Variants in SAMD11 observed in about 807,000 individuals in gnomAD.
SAMD11 encodes the protein sterile alpha motif domain containing 11, also known as sterile alpha motif domain-containing protein 11.
SAMD11 carries 77 observed loss-of-function variants against 64.4 expected under a neutral mutation model. The observed-to-expected ratio is 1.20, with a 90% CI of 0.99 to 1.44. The LOEUF (loss-of-function observed/expected upper bound fraction) is 1.44, where lower values mean the gene tolerates loss of function less well. Ranked by LOEUF, SAMD11 falls within the 40% of genes most tolerant of loss-of-function variation. The pLI is 0.00. For synonymous variants in SAMD11, 658 were observed against 421.9 expected, an observed-to-expected ratio of 1.56 and a Z score of -6.86; for missense variants, 1,402 against 943.3, an observed-to-expected ratio of 1.49 and a Z score of -6.37.
chr1:928,751 G>A lies in SAMD11; in HGVS notation c.610-1404G>A, dbSNP rs1014039427. The stretch of plus-strand genomic sequence containing the variant: ...GGGACCCAGCGCAGGCCCAGTGGCC[G>A]GTGAGGGGAGACGTGGCTCTGGGAC... On this transcript the variant is annotated intron_variant, in intron 2 of 13. Coordinates refer to ENST00000616016, the MANE Select transcript of SAMD11 (RefSeq NM_001385641.1). Among the ~76,000 whole-genome samples the A allele has an allele frequency of 3.9e-5, 6 of 152,390 alleles. No individual in the cohort carries two copies. The South Asian group carries it at 6.2e-4, about 16-fold the overall frequency.
chr1:927,263 C>G (rs1159123214), intron 2 of SAMD11, among the ~76,000 whole-genome samples: 1 of 152,220 alleles, frequency 6.6e-6, no homozygotes, highest in Non-Finnish European at 1.5e-5. Context: ...GCAGCTGGTG[C>G]TGGAGAGGGC....
rs1557610022 is a variant in SAMD11, at chr1:942,450, C to G, written c.1515C>G (p.Ala505=). ...CCCCCGCGCAGGCGGAGATGTTCGC[C>G]TGGCAGCAGGAGCTCCTGCGGAAGC... ...FLPPAQAEMF[A]WQQELLRKQN... is the part of the protein sequence containing the mutation. Residue 505 remains alanine (A), a synonymous_variant, in exon 10 of 14, where the codon GCC becomes GCG. Coordinates refer to ENST00000616016, the MANE Select transcript of SAMD11 (RefSeq NM_001385641.1). 12 of 1,488,876 alleles carry G rather than the reference C, an allele frequency of 8.1e-6. No individual in the cohort carries two copies. The highest frequency in any genetic ancestry group is 1.1e-5 in the Non-Finnish European group (12 of 1,125,794). The allele number at this position is 1,488,876 out of a possible 1,614,324, so 92.2% of individuals were successfully genotyped here. A position where few individuals can be genotyped will look rare whatever the true frequency, so the allele number is the denominator to read the frequency against.
intron 7 of SAMD11, 81 bp from the exon 8 acceptor site, chr1:941,063 T>C: frequency 1.5e-6 from 2 of 1,325,870 alleles, no homozygotes; most frequent in African/African-American, 2.9e-5. Flanking sequence ...GTTCCCCACC[T>C]CAGTGTTCTA....
chr1:935,446 C>T lies in SAMD11; in HGVS notation c.843-326C>T, dbSNP rs546830423. Among the ~76,000 whole-genome samples, 4 of 147,640 alleles carry T rather than the reference C, an allele frequency of 2.7e-5. No homozygotes were observed. The South Asian group carries it at 8.3e-4, about 31-fold the overall frequency. On this transcript the variant is annotated intron_variant, in intron 4 of 13. Coordinates refer to ENST00000616016, the MANE Select transcript of SAMD11 (RefSeq NM_001385641.1). ...CCGGGCGCCCGGTGGGCCCCTCGAC[C>T]CCCTTTGAGGCAGGGAGTGAGATAA...
At chr1:925,863 C>A in intron 1 of SAMD11, 59 bp from the exon 2 acceptor site, 1 of 1,297,886 alleles carries the variant, frequency 7.7e-7, no homozygotes, top group Non-Finnish European at 1.1e-6. Context: ...GGCCCTGCCG[C>A]TGACTGCGCG....
intron 4 of SAMD11, 132 bp downstream of exon 4, chr1:931,221 T>A: frequency 3.4e-6 from 3 of 874,334 alleles, no homozygotes; most frequent in Non-Finnish European, 5.4e-6. Flanking sequence ...GCTGAGTGTC[T>A]GCCAGGTTTG....
rs1046618751 is a variant in SAMD11, at chr1:943,889, C to G, written c.2290-19C>G. 3 of 1,612,982 alleles carry G rather than the reference C, an allele frequency of 1.9e-6. No individual in the cohort carries two copies. Among genetic ancestry groups the G allele is most frequent in the Admixed American group, 3.3e-5 (2 of 60,028 alleles). The stretch of plus-strand genomic sequence containing the variant: ...CTGGGTGGGTGTGCGACAGCCCCCA[C>G]CAGGCCATCTCTCTGCAGGTGGCCA... On this transcript the variant is annotated intron_variant, in intron 13 of 13. Transcript: ENST00000616016.
In SAMD11 at chr1:942,821, C is replaced by T. The variant is rs1040407582; in HGVS notation, c.1816C>T (p.Arg606Trp). ...RKGGPGPASA[R>W]PSESKEMTGA... The stretch of plus-strand genomic sequence containing the variant: ...GGGGGGTCCCGGCCCTGCCTCAGCG[C>T]GGCCCAGCGAGTCCAAGGAGATGAC... Residue 606 changes from arginine (R) to tryptophan (W), a missense_variant, in exon 11 of 14, where the codon CGG becomes TGG. Physicochemically the swap from Arg to Trp is moderately radical, Grantham distance 101. Coordinates refer to ENST00000616016, the MANE Select transcript of SAMD11 (RefSeq NM_001385641.1). 11 of 1,548,470 alleles carry T rather than the reference C, an allele frequency of 7.1e-6. No homozygotes were observed. Among genetic ancestry groups the T allele is most frequent in the Admixed American group, 5.9e-5 (3 of 50,976 alleles).
Position 944,040 on chromosome 1 carries a change from A to G in SAMD11, c.2422A>G (p.Thr808Ala). Residue 808 changes from threonine to alanine, a missense_variant, in exon 14 of 14, where the codon ACG becomes GCG. Coordinates refer to ENST00000616016, the MANE Select transcript of SAMD11 (RefSeq NM_001385641.1). The part of the protein sequence containing the change: ...GEQPLSPTTA[T>A]SPYGGGHALA... ...GCAGCCCTTGTCCCCCACGACGGCC[A>G]CGTCCCCCTATGGAGGGGGCCACGC... The G allele has an allele frequency of 6.2e-7, 1 of 1,612,800 alleles. No homozygotes were observed. Among genetic ancestry groups the G allele is most frequent in the Non-Finnish European group, 8.5e-7 (1 of 1,179,946 alleles).
chr1:935,035 C>T (rs1641356446), intron 4 of SAMD11, among the ~76,000 whole-genome samples: 1 of 152,078 alleles, frequency 6.6e-6, no homozygotes, highest in African/African-American at 2.4e-5. Context: ...TGGGGAGAGG[C>T]TCACGGAACC....
chr1:935,135 G>C (rs998876791), intron 4 of SAMD11, among the ~76,000 whole-genome samples: 3 of 152,148 alleles, frequency 2.0e-5, no homozygotes, highest in Non-Finnish European at 2.9e-5. Context: ...TTAGCAAGAA[G>C]AGGAGAAATG....
At position 943,007 on chromosome 1, in the gene SAMD11, T is replaced by C; in HGVS notation, c.2002T>C (p.Ser668Pro). ...CGAGGGGAAGGGGCTTTTCCCAGGGTCCACACTGCCCCTGGGCTTCCCTTA... is the reference window on the plus strand; with the variant it reads ...CGAGGGGAAGGGGCTTTTCCCAGGGCCCACACTGCCCCTGGGCTTCCCTTA... ...GAEGKGLFPG[S>P]TLPLGFPYAV... Residue 668 changes from serine to proline, a missense_variant, in exon 11 of 14, where the codon TCC (serine) becomes CCC (proline). Coordinates refer to ENST00000616016, the MANE Select transcript of SAMD11 (RefSeq NM_001385641.1). 2 of 1,539,288 alleles carry C rather than the reference T, an allele frequency of 1.3e-6. No homozygotes were observed. Among genetic ancestry groups the C allele is most frequent in the East Asian group, 2.3e-5 (1 of 42,692 alleles).
rs554462154 is a variant in SAMD11 at position 943,280 on chromosome 1, G to A, written c.2081G>A (p.Gly694Glu). Residue 694 changes from glycine to glutamate, a missense_variant, in exon 12 of 14, where the codon GGG becomes GAG. By Grantham distance (98) the Gly-to-Glu change is moderately conservative. Coordinates refer to ENST00000616016, the MANE Select transcript of SAMD11 (RefSeq NM_001385641.1). Reference protein sequence around the residue: ...TGAVGGLSMDGEEAPAPEDVT... With the variant: ...TGAVGGLSMDEEEAPAPEDVT... ...GCGGTAGGGGGACTCTCCATGGATG[G>A]GGAGGAGGCCCCAGCCCCTGAGGAC... The A allele has an allele frequency of 6.2e-6, 10 of 1,612,780 alleles. No individual in the cohort carries two copies. The highest frequency in any genetic ancestry group is 3.3e-5 in the Admixed American group (2 of 59,984).
In SAMD11 at chr1:931,049, C is replaced by T. The variant is rs144317111; in HGVS notation, c.802C>T (p.His268Tyr). 2.5e-4 allele frequency: 405 copies of T among 1,612,886 alleles called. No homozygotes were observed. Among genetic ancestry groups the T allele is most frequent in the Non-Finnish European group, 3.0e-4 (358 of 1,179,706 alleles). Residue 268 changes from histidine to tyrosine, a missense_variant, in exon 4 of 14, where the codon CAC becomes TAC. Transcript: ENST00000616016. ...CTTCCCTTCCTGCAGAGTCCACACC[C>T]ACTGGGACGTGAACATCTCTTTCCG... ...IRIMKRRVHTHWDVNISFREA... is the reference protein window; with the variant it reads ...IRIMKRRVHTYWDVNISFREA...
At chr1:932,394 C>T (rs549374825) in intron 4 of SAMD11, among the ~76,000 whole-genome samples, 40 of 152,206 alleles carry the variant, frequency 2.6e-4, no homozygotes, top group Non-Finnish European at 5.0e-4. Context: ...GAGGCCAGGT[C>T]TTCCATCCTG....
chr1:927,417 C>A lies in SAMD11; in HGVS notation c.609+1404C>A, dbSNP rs553395589. On this transcript the variant is annotated intron_variant, in intron 2 of 13. Coordinates refer to ENST00000616016, the MANE Select transcript of SAMD11 (RefSeq NM_001385641.1). ...AGTGCTTCCGTGAGCATCTCCTCCC[C>A]ACCCCGTGGCCACAGCCAGGAGATG... Among the ~76,000 whole-genome samples, 203 of 152,220 alleles carry A rather than the reference C, an allele frequency of 1.3e-3. 1 individual carries two copies. The highest frequency in any genetic ancestry group is 4.5e-3 in the African/African-American group (188 of 41,476).
intron 1 of SAMD11, among the ~76,000 whole-genome samples, chr1:925,537 G>A (rs1042683263): frequency 6.6e-6 from 1 of 152,138 alleles, no homozygotes; most frequent in African/African-American, 2.4e-5. Flanking sequence ...GCGTGGTTCC[G>A]CGGTGGCCGC....
chr1:936,735 C>T lies in SAMD11; in HGVS notation c.967+839C>T, dbSNP rs117001843. Among the ~76,000 whole-genome samples, 175 of 152,300 alleles carry T rather than the reference C, an allele frequency of 1.1e-3. 2 individuals carry two copies. In the East Asian group the frequency reaches 0.022, roughly 19 times the overall value. ...GTGTCCCCCATCCATGGCCCCCATC[C>T]GCGTCCTCGTGCACCTAGGAAGGCC... On this transcript the variant is annotated intron_variant, in intron 5 of 13. Transcript: ENST00000616016.
Position 941,318 on chromosome 1 carries a change from G to T in SAMD11, c.1358+12G>T. The T allele has an allele frequency of 1.3e-6, 2 of 1,542,884 alleles. No homozygotes were observed. Among genetic ancestry groups the T allele is most frequent in the Admixed American group, 2.0e-5 (1 of 50,508 alleles). On this transcript the variant is annotated intron_variant, in intron 8 of 13. Transcript: ENST00000616016. ...TCCTTCTCGGAGAGGTACTGGGGTGGCTGCCGTTCTCTGCTTGTTTCTGGG... is the reference window on the plus strand; with the variant it reads ...TCCTTCTCGGAGAGGTACTGGGGTGTCTGCCGTTCTCTGCTTGTTTCTGGG...
Sources: allele counts gnomAD v4.1 joint callset (sites outside exome capture counted in the v4.1 genomes callset), GRCh38; gene constraint gnomAD v4.1.1; transcripts MANE v1.5; gene names NCBI Gene and HGNC (gene_info 2026-07-23, HGNC 2026-07-21).